FER1L6: variants seen among roughly 807,000 people sequenced by gnomAD.
FER1L6 encodes fer-1-like protein 6.
FER1L6 carries 177 observed loss-of-function variants against 219.2 expected under a neutral mutation model. The observed-to-expected ratio is 0.81, with a 90% CI of 0.71 to 0.91. The LOEUF is 0.91. FER1L6 is among the 40% of genes least tolerant of loss of function. FER1L6 has a pLI of 0.00. For missense variants in FER1L6, 2,153 were observed against 2,259.9 expected, an observed-to-expected ratio of 0.95 and a Z score of 0.96; for synonymous variants, 768 against 824.3, an observed-to-expected ratio of 0.93 and a Z score of 1.17.
At chr8:123,878,062 T>A (rs1034286958) in intron 1 of FER1L6, among the ~76,000 whole-genome samples, 1 of 152,142 alleles carries the variant, frequency 6.6e-6, no homozygotes, top group Non-Finnish European at 1.5e-5. Flanking sequence ...AGGCTTAAAA[T>A]TGTTAAGTCA....
At chr8:124,074,324 A>G (rs1821191550) in intron 31 of FER1L6, among the ~76,000 whole-genome samples, 1 of 152,154 alleles carries the variant, frequency 6.6e-6, no homozygotes, top group African/African-American at 2.4e-5. Context: ...GATAGATCTC[A>G]GAGAGATGAC....
Position 124,071,590 on chromosome 8 carries a change from A to T in FER1L6, c.4051A>T (p.Asn1351Tyr), listed in dbSNP as rs200430005. ...GAGAATCCAGCAAGGGATTCCGCCC[A>T]ATCACCCTGTCACAGTGCTGATCAG... is the stretch of plus-strand genomic sequence containing the variant. ...QLRIQQGIPP[N>Y]HPVTVLIRVY... Residue 1351 changes from asparagine to tyrosine, a missense_variant, in exon 31 of 41, where the codon AAT (asparagine) becomes TAT (tyrosine). Asn to Tyr is a moderately radical substitution (Grantham distance 143). Transcript: ENST00000522917. 3.1e-5 allele frequency: 50 copies of T among 1,614,100 alleles called. 1 individual carries two copies. The South Asian group carries it at 5.1e-4, about 16-fold the overall frequency.
intron 5 of FER1L6, among the ~76,000 whole-genome samples, chr8:123,966,780 C>A (rs1018431640): frequency 1.3e-5 from 2 of 152,142 alleles, no homozygotes; most frequent in Admixed American, 1.3e-4. Flanking sequence ...GCTAAATTCT[C>A]TTTTTAAAAT....
chr8:124,069,934 T>G (rs1820996510), intron 29 of FER1L6, among the ~76,000 whole-genome samples: 2 of 152,190 alleles, frequency 1.3e-5, no homozygotes, highest in African/African-American at 4.8e-5. Context: ...GATAACCAAC[T>G]TGGGTAAGCA....
At chr8:123,859,483 C>T (rs902758735) in intron 1 of FER1L6, among the ~76,000 whole-genome samples, 2 of 151,866 alleles carry the variant, frequency 1.3e-5, no homozygotes, top group African/African-American at 4.8e-5. Context: ...TCCATATCCT[C>T]CTTTTCCCCA....
At chr8:124,061,760 C>A in intron 24 of FER1L6, 92 bp from the exon 25 acceptor site, 1 of 1,264,836 alleles carries the variant, frequency 7.9e-7, no homozygotes, top group Non-Finnish European at 1.1e-6. Flanking sequence ...AATGGCAAGG[C>A]AGAGACAAGG....
chr8:124,091,308 C>A (rs1822017640), intron 33 of FER1L6, 115 bp from the exon 34 acceptor site: 1 of 747,142 alleles, frequency 1.3e-6, no homozygotes, highest in Non-Finnish European at 2.0e-6. Context: ...AGAAAACAAA[C>A]CCCCTAACCC....
intron 27 of FER1L6, among the ~76,000 whole-genome samples, chr8:124,067,548 C>T (rs181429831): frequency 1.1e-4 from 16 of 152,276 alleles, no homozygotes; most frequent in Admixed American, 1.0e-3. Flanking sequence ...TCATACTTTT[C>T]TTGGAAGTGC....
chr8:123,964,624 A>G (rs536050339), intron 3 of FER1L6, among the ~76,000 whole-genome samples: 87 of 152,236 alleles, frequency 5.7e-4, no homozygotes, highest in African/African-American at 2.0e-3. Context: ...TACTCAAGAT[A>G]TTTCTTCCTA....
chr8:124,061,552 T>C (rs1355972727), intron 24 of FER1L6, among the ~76,000 whole-genome samples: 1 of 152,152 alleles, frequency 6.6e-6, no homozygotes. Flanking sequence ...GAGATGAGAG[T>C]TCTGTTGGCA....
chr8:123,986,297 A>C, intron 12 of FER1L6, 121 bp downstream of exon 12: 1 of 616,450 alleles, frequency 1.6e-6, no homozygotes, highest in Non-Finnish European at 2.9e-6. Context: ...GCATCTCAGA[A>C]TGAGATGAAC....
chr8:124,104,773 A>C (rs1822694749), intron 39 of FER1L6, among the ~76,000 whole-genome samples: 1 of 152,184 alleles, frequency 6.6e-6, no homozygotes. Flanking sequence ...ATCCCTTTAG[A>C]TTTTGAGAGA....
chr8:124,080,229 C>T (rs574940158), intron 32 of FER1L6, among the ~76,000 whole-genome samples: 41 of 152,140 alleles, frequency 2.7e-4, no homozygotes, highest in Non-Finnish European at 5.1e-4. Flanking sequence ...ACCACCCTTG[C>T]ATCTAGGGAT....
chr8:123,975,577 T>A (rs926046599), intron 8 of FER1L6, among the ~76,000 whole-genome samples: 3 of 152,182 alleles, frequency 2.0e-5, no homozygotes, highest in Non-Finnish European at 4.4e-5. Flanking sequence ...TTTTTCTGAA[T>A]GTAGCTGAGT....
chr8:123,929,936 C>G (rs999653096), intron 1 of FER1L6, among the ~76,000 whole-genome samples: 1 of 150,832 alleles, frequency 6.6e-6, no homozygotes, highest in Non-Finnish European at 1.5e-5. Flanking sequence ...AGGTCTGTGG[C>G]TCTTGTACAT....
intron 18 of FER1L6, among the ~76,000 whole-genome samples, chr8:124,031,814 G>C (rs1291965257): frequency 6.6e-6 from 1 of 152,134 alleles, no homozygotes; most frequent in Non-Finnish European, 1.5e-5. Flanking sequence ...CATGTAACCA[G>C]GCTGAAAGTA....
At chr8:124,053,155 A>C (rs1006085053) in intron 22 of FER1L6, among the ~76,000 whole-genome samples, 8 of 152,188 alleles carry the variant, frequency 5.3e-5, no homozygotes, top group Non-Finnish European at 7.3e-5. Flanking sequence ...GAGAGGCTGC[A>C]TCTGCCAATG....
intron 26 of FER1L6, among the ~76,000 whole-genome samples, chr8:124,065,962 C>A (rs1820813745): frequency 6.6e-6 from 1 of 152,238 alleles, no homozygotes; most frequent in Admixed American, 6.5e-5. Flanking sequence ...AAATTATGTA[C>A]TTAATCCTCA....
intron 1 of FER1L6, among the ~76,000 whole-genome samples, chr8:123,928,443 A>G (rs576619851): frequency 2.3e-4 from 35 of 152,288 alleles, no homozygotes; most frequent in African/African-American, 6.5e-4. Context: ...GTAGAGTAGA[A>G]CCATTCTGCT....
Sources: allele counts gnomAD v4.1 joint callset (sites outside exome capture counted in the v4.1 genomes callset), GRCh38; gene constraint gnomAD v4.1.1; transcripts MANE v1.5; gene names NCBI Gene and HGNC (gene_info 2026-07-23, HGNC 2026-07-21).